GCA: variants seen among roughly 807,000 people sequenced by gnomAD.
GCA encodes the protein grancalcin, EF-hand calcium-binding protein.
Under a neutral mutation model 32.6 loss-of-function variants are expected in GCA, and 30 were observed. The observed-to-expected ratio is 0.92, with a 90% CI of 0.69 to 1.25. GCA has a LOEUF of 1.25. Ranked by LOEUF, GCA falls within the 50% of genes most tolerant of loss-of-function variation. The pLI, the probability that GCA is intolerant of heterozygous loss-of-function variation, is 0.00. For synonymous variants in GCA, 102 were observed against 84.6 expected (o/e 1.21, Z -1.13); for missense variants, 291 against 266.8 (o/e 1.09, Z -0.63).
upstream of GCA, among the ~76,000 whole-genome samples, chr2:162,339,205 C>T (rs1244341472): frequency 3.3e-5 from 5 of 152,148 alleles, no homozygotes; most frequent in South Asian, 2.1e-4. Flanking sequence ...GGAACAACTT[C>T]GGGCTTAAAA....
chr2:162,324,021 T>A (rs1558882716), intron 1 of GCA, among the ~76,000 whole-genome samples: 4 of 152,140 alleles, frequency 2.6e-5, no homozygotes, highest in African/African-American at 7.2e-5. Flanking sequence ...GTGGCTCGCT[T>A]CTTCAGTGCC....
intron 1 of GCA, among the ~76,000 whole-genome samples, chr2:162,328,179 G>A (rs113577603): frequency 1.1e-4 from 16 of 143,554 alleles, no homozygotes; most frequent in African/African-American, 2.6e-4. Context: ...TCAGGAGTTC[G>A]AGATCAGCCT....
At chr2:162,344,334 G>A in intron 1 of GCA, 59 bp downstream of exon 1, 3 of 1,560,822 alleles carry the variant, frequency 1.9e-6, no homozygotes, top group Middle Eastern at 1.7e-4. Context: ...GCCCCCGGGG[G>A]CGGTGCCAAC....
At chr2:162,323,766 A>AT (rs1683772233) in intron 1 of GCA, among the ~76,000 whole-genome samples, 1 of 151,638 alleles carries the variant, frequency 6.6e-6, no homozygotes, top group South Asian at 2.1e-4. Flanking sequence ...CCATTGATCT[A>AT]TATCTCTGTT....
At position 162,344,287 on chromosome 2, in the gene GCA, C is replaced by A. The variant is rs769494743; in HGVS notation, c.27+12C>A. The stretch of plus-strand genomic sequence containing the variant: ...GATACGGAGGAGGGGTGAGTCCCAG[C>A]CGCTTGGTCGTGTCCCTCTTCCTCG... On this transcript the variant is annotated intron_variant, in intron 1 of 7. Coordinates refer to ENST00000437150, the MANE Select transcript of GCA (RefSeq NM_012198.5). The A allele has an allele frequency of 1.2e-6, 2 of 1,613,300 alleles. No individual in the cohort carries two copies. The highest frequency in any genetic ancestry group is 1.7e-6 in the Non-Finnish European group (2 of 1,179,592).
intron 1 of GCA, among the ~76,000 whole-genome samples, chr2:162,327,867 G>A (rs186680077): frequency 1.8e-4 from 28 of 152,266 alleles, no homozygotes; most frequent in Admixed American, 4.6e-4. Flanking sequence ...CAAACTGCGC[G>A]AGAGAAAAAG....
chr2:162,343,760 G>A (rs1684527390), upstream of GCA, among the ~76,000 whole-genome samples: 1 of 152,212 alleles, frequency 6.6e-6, no homozygotes, highest in South Asian at 2.1e-4. Context: ...TCAAAAGCGT[G>A]GAGGGCTGGT....
chr2:162,323,278 G>C (rs1192668315), intron 1 of GCA, among the ~76,000 whole-genome samples: 2 of 151,766 alleles, frequency 1.3e-5, no homozygotes, highest in African/African-American at 4.9e-5. Flanking sequence ...TTGTAAATTT[G>C]TTTGAGTTCA....
At chr2:162,348,258 A>C (rs1456787406) in intron 2 of GCA, among the ~76,000 whole-genome samples, 1 of 152,170 alleles carries the variant, frequency 6.6e-6, no homozygotes, top group African/African-American at 2.4e-5. Context: ...AAATTTTAGG[A>C]AAGTAGGAAG....
chr2:162,330,811 T>C (rs1018168532), intron 1 of GCA, among the ~76,000 whole-genome samples: 2 of 152,204 alleles, frequency 1.3e-5, no homozygotes, highest in Non-Finnish European at 2.9e-5. Flanking sequence ...TTATATTCTA[T>C]AAAGTCACTA....
chr2:162,366,612 T>C (rs1290960829), downstream of GCA, among the ~76,000 whole-genome samples: 1 of 151,912 alleles, frequency 6.6e-6, no homozygotes, highest in Non-Finnish European at 1.5e-5. Flanking sequence ...CCTAATACTT[T>C]ACATTTGAAA....
At chr2:162,356,508 C>G in intron 4 of GCA, 27 bp downstream of exon 4, 1 of 1,413,910 alleles carries the variant, frequency 7.1e-7, no homozygotes, top group Non-Finnish European at 1.0e-6. Context: ...ATAGAAAATA[C>G]TAGAATAAAG....
At chr2:162,355,821 T>A (rs7589119) in intron 3 of GCA, among the ~76,000 whole-genome samples, 1 of 151,550 alleles carries the variant, frequency 6.6e-6, no homozygotes, top group African/African-American at 2.4e-5. Flanking sequence ...TTACAATAAA[T>A]TACCAATGGA....
Position 162,360,583 on chromosome 2 carries a change from A to G in GCA, c.*340A>G. ...CAAGATAGATTGTATAAGAAGCCAA[A>G]TAATGAAAGCCTAGAAAAAACTAAT... On this transcript the variant is annotated 3_prime_UTR_variant, in exon 8 of 8. Coordinates refer to ENST00000437150, the MANE Select transcript of GCA (RefSeq NM_012198.5). 8.8e-7 allele frequency: 1 copy of G among 1,140,262 alleles called. No homozygotes were observed. The highest frequency in any genetic ancestry group is 1.1e-6 in the Non-Finnish European group (1 of 898,448). 70.6% of individuals were successfully genotyped at this position (1,140,262 alleles called of 1,614,324 possible).
chr2:162,352,798 A>G (rs1250341327), intron 3 of GCA, among the ~76,000 whole-genome samples: 1 of 152,148 alleles, frequency 6.6e-6, no homozygotes, highest in African/African-American at 2.4e-5. Flanking sequence ...ACAGAGGAAC[A>G]TTTCCCATCC....
Position 162,360,302 on chromosome 2 carries a change from A to G in GCA, c.*59A>G, listed in dbSNP as rs371726449. Reference sequence around the variant, plus strand: ...GAATTCTTTTGTTTGGAAGAAGTGAACTGGACTACTTTAAAACTTTTAAGG... The same window carrying G: ...GAATTCTTTTGTTTGGAAGAAGTGAGCTGGACTACTTTAAAACTTTTAAGG... On this transcript the variant is annotated 3_prime_UTR_variant, in exon 8 of 8. Coordinates refer to ENST00000437150, the MANE Select transcript of GCA (RefSeq NM_012198.5). 6.6e-5 allele frequency: 103 copies of G among 1,560,392 alleles called. No individual in the cohort carries two copies. Among genetic ancestry groups the G allele is most frequent in the Middle Eastern group, 1.7e-4 (1 of 5,814 alleles).
At chr2:162,358,180 T>C (rs1435027895) in intron 5 of GCA, among the ~76,000 whole-genome samples, 1 of 151,558 alleles carries the variant, frequency 6.6e-6, no homozygotes, top group Non-Finnish European at 1.5e-5. Flanking sequence ...GCAATAATAC[T>C]GGGCTACCAT....
chr2:162,346,893 A>G (rs1558894476), intron 1 of GCA, among the ~76,000 whole-genome samples: 1 of 152,198 alleles, frequency 6.6e-6, no homozygotes, highest in Non-Finnish European at 1.5e-5. Flanking sequence ...ATAATCTGTA[A>G]CATCAGAGAA....
In GCA at chr2:162,347,602, C is replaced by T. The variant is rs776817268; in HGVS notation, c.52C>T (p.Pro18Ser). The T allele has an allele frequency of 1.9e-6, 3 of 1,607,254 alleles. No individual in the cohort carries two copies. The highest frequency in any genetic ancestry group is 4.5e-5 in the East Asian group (2 of 44,728). Residue 18 changes from proline (P) to serine (S), a missense_variant, in exon 2 of 8, where the codon CCA (proline) becomes TCA (serine). Pro to Ser is a moderately conservative substitution (Grantham distance 74). Coordinates refer to ENST00000437150, the MANE Select transcript of GCA (RefSeq NM_012198.5). ...GTTTGGAAATTTTAGCATTCAGGTG[C>T]CAGGAATGCAGATGGGACAGCCAGT... ...GGFGNFSIQV[P>S]GMQMGQPVPE...
Sources: allele counts gnomAD v4.1 joint callset (sites outside exome capture counted in the v4.1 genomes callset), GRCh38; gene constraint gnomAD v4.1.1; transcripts MANE v1.5; gene names NCBI Gene and HGNC (gene_info 2026-07-23, HGNC 2026-07-21).